The following FER variants were observed in gnomAD, a reference collection of about 807,000 sequenced individuals.
FER encodes FER tyrosine kinase, also known as tyrosine-protein kinase Fer.
A neutral mutation model predicts 111.0 loss-of-function variants in FER; 63 were observed. The ratio of observed to expected loss-of-function variants is 0.57; its 90% CI spans 0.46 to 0.70. The LOEUF is 0.70. FER is among the 30% of genes least tolerant of loss of function. The pLI is 0.00. For missense variants in FER, 914 were observed against 954.0 expected, an observed-to-expected ratio of 0.96 and a Z score of 0.55; for synonymous variants, 327 against 313.9, an observed-to-expected ratio of 1.04 and a Z score of -0.44.
At position 109,196,418 on chromosome 5, in the gene FER, A is replaced by C. The variant is rs566449074; in HGVS notation, c.*8843A>C. On this transcript the variant is annotated 3_prime_UTR_variant, in exon 20 of 20. Transcript: ENST00000281092. ...ACCTTTAATCATTTTTGTTGTTTTA[A>C]GATAATGTATTTGTGAAGTGGATAA... The C allele has an allele frequency of 1.3e-5, 2 of 152,302 alleles. No homozygotes were observed. The highest frequency in any genetic ancestry group is 2.1e-4 in the South Asian group (1 of 4,822). The allele number at this position is 152,302 out of a possible 1,614,324, so 9.4% of individuals were successfully genotyped here.
chr5:108,756,315 ACTTTG>A (rs980473616), intron 1 of FER, among the ~76,000 whole-genome samples: 1 of 152,034 alleles, frequency 6.6e-6, no homozygotes, highest in Non-Finnish European at 1.5e-5. Context: ...GGTTTTAGAA[ACTTTG>A]CTTTACTAGG....
Position 109,189,700 on chromosome 5 carries a change from G to A in FER, c.*2125G>A, listed in dbSNP as rs538245316. The A allele has an allele frequency of 6.6e-6, 1 of 152,062 alleles. No homozygotes were observed. The highest frequency in any genetic ancestry group is 2.1e-4 in the South Asian group (1 of 4,806). 9.4% of individuals were successfully genotyped at this position (152,062 alleles called of 1,614,324 possible). On this transcript the variant is annotated 3_prime_UTR_variant, in exon 20 of 20. Transcript: ENST00000281092. Reference sequence around the variant, plus strand: ...TGAATCTCTGTAATATTCTTTGTCTGTTTAAAGAAAACAGCCTCCCATCTC... The same window carrying A: ...TGAATCTCTGTAATATTCTTTGTCTATTTAAAGAAAACAGCCTCCCATCTC...
At chr5:109,109,420 A>C (rs1749334350) in intron 17 of FER, among the ~76,000 whole-genome samples, 1 of 152,096 alleles carries the variant, frequency 6.6e-6, no homozygotes, top group Non-Finnish European at 1.5e-5. Context: ...CCATGAGGAC[A>C]TTGACTTTAT....
At chr5:108,856,841 T>G (rs2150203050) in intron 5 of FER, among the ~76,000 whole-genome samples, 1 of 152,240 alleles carries the variant, frequency 6.6e-6, no homozygotes, top group South Asian at 2.1e-4. Flanking sequence ...ACATACAAAT[T>G]AAAACTAAAT....
At chr5:109,055,113 TA>T (rs1167619406) in intron 16 of FER, among the ~76,000 whole-genome samples, 2 of 152,106 alleles carry the variant, frequency 1.3e-5, no homozygotes, top group Non-Finnish European at 2.9e-5. Context: ...CATTTTCACA[TA>T]CAAAAGAATG....
intron 13 of FER, among the ~76,000 whole-genome samples, chr5:109,032,228 G>A (rs1769733204): frequency 6.6e-6 from 1 of 152,150 alleles, no homozygotes. Flanking sequence ...ACTCTTTAGA[G>A]ATGTTAGAGA....
At chr5:109,039,351 G>A (rs1025048550) in intron 14 of FER, among the ~76,000 whole-genome samples, 2 of 152,084 alleles carry the variant, frequency 1.3e-5, no homozygotes, top group African/African-American at 2.4e-5. Flanking sequence ...TATGTGCAAG[G>A]CACTCTTCTA....
chr5:108,855,175 G>A (rs1762877278), intron 5 of FER, among the ~76,000 whole-genome samples: 1 of 151,988 alleles, frequency 6.6e-6, no homozygotes, highest in African/African-American at 2.4e-5. Flanking sequence ...GCAGTTCCAG[G>A]GAGAGGTCTG....
intron 17 of FER, among the ~76,000 whole-genome samples, chr5:109,103,323 T>C (rs1175528433): frequency 6.6e-6 from 1 of 152,154 alleles, no homozygotes; most frequent in Non-Finnish European, 1.5e-5. Context: ...TAGTTGAAAA[T>C]ATTTCCAATT....
chr5:109,056,959 C>T (rs1396477744), intron 16 of FER, among the ~76,000 whole-genome samples: 2 of 152,012 alleles, frequency 1.3e-5, no homozygotes, highest in Non-Finnish European at 2.9e-5. Context: ...TTTTCAGTTT[C>T]TATAGAAAGG....
rs200444337 is a variant in FER, at chr5:109,053,695, T to TA, written c.1924+6497_1924+6498insA. Among the ~76,000 whole-genome samples, 1,472 of 147,512 alleles carry TA rather than the reference T, an allele frequency of 1.0e-2. 21 individuals carry two copies. The highest frequency in any genetic ancestry group is 0.035 in the African/African-American group (1,392 of 39,924). ...TTTATTGCTGAGTGGAGTTCTATTT[T>TA]TTTTTTTTTTTTTTTGAGACGGAAT... On this transcript the variant is annotated intron_variant, in intron 16 of 19. Transcript: ENST00000281092.
intron 8 of FER, among the ~76,000 whole-genome samples, chr5:108,879,701 A>AAAAATATATATATATATATATAT: frequency 2.0e-5 from 2 of 99,128 alleles, no homozygotes; most frequent in African/African-American, 4.8e-5. Context: ...ATTAAAAAAA[A>AAAAATATATATATATATATATAT]ATATATATAT....
intron 13 of FER, among the ~76,000 whole-genome samples, chr5:108,992,532 G>A (rs1483087059): frequency 1.3e-5 from 2 of 151,236 alleles, no homozygotes; most frequent in Non-Finnish European, 3.0e-5. Flanking sequence ...TCCCGGACGG[G>A]GCAGCTGGCC....
intron 10 of FER, chr5:108,924,517 C>A (rs970793250): frequency 1.1e-5 from 11 of 988,748 alleles, no homozygotes; most frequent in Non-Finnish European, 1.4e-5. Flanking sequence ...TAGTATACTT[C>A]CATGCCAACA....
intron 2 of FER, among the ~76,000 whole-genome samples, chr5:108,777,319 A>T (rs956607047): frequency 1.3e-5 from 2 of 152,152 alleles, no homozygotes; most frequent in African/African-American, 4.8e-5. Context: ...AAATTTGGAG[A>T]AAGGTACAGA....
At chr5:109,037,359 A>C in intron 13 of FER, 63 bp from the exon 14 acceptor site, 1 of 1,419,234 alleles carries the variant, frequency 7.0e-7, no homozygotes, top group Non-Finnish European at 9.9e-7. Flanking sequence ...CACTGGCTCA[A>C]ATGCAACTTC....
chr5:108,923,072 A>G (rs191870844), intron 10 of FER, among the ~76,000 whole-genome samples: 1 of 152,290 alleles, frequency 6.6e-6, no homozygotes, highest in East Asian at 1.9e-4. Flanking sequence ...GGTTTGTAAC[A>G]GAAACTATTT....
chr5:109,050,754 T>C (rs1262453402), intron 16 of FER, among the ~76,000 whole-genome samples: 3 of 152,162 alleles, frequency 2.0e-5, no homozygotes, highest in African/African-American at 4.8e-5. Context: ...TAAAAAAATA[T>C]AGTAGCACAA....
intron 17 of FER, among the ~76,000 whole-genome samples, chr5:109,150,903 A>G (rs1454743726): frequency 6.6e-6 from 1 of 152,200 alleles, no homozygotes; most frequent in Admixed American, 6.5e-5. Context: ...AGAATACATT[A>G]TAATTTAATT....
Sources: allele counts gnomAD v4.1 joint callset (sites outside exome capture counted in the v4.1 genomes callset), GRCh38; gene constraint gnomAD v4.1.1; transcripts MANE v1.5; gene names NCBI Gene and HGNC (gene_info 2026-07-23, HGNC 2026-07-21).